TEC: variants seen among roughly 807,000 people sequenced by gnomAD.
TEC encodes tyrosine-protein kinase Tec.
In TEC, 72 loss-of-function variants were observed where a neutral mutation model predicts 93.0. That is an observed-to-expected ratio of 0.77 (90% CI 0.64 to 0.94). The LOEUF (loss-of-function observed/expected upper bound fraction) is 0.94. Among genes scored for constraint, TEC ranks in the 40% least tolerant of loss-of-function variants. The probability of loss-of-function intolerance (pLI) is 0.00; values close to 1 mark genes in which losing one functional copy is unlikely to be tolerated. For missense variants in TEC, 630 were observed against 757.9 expected, an observed-to-expected ratio of 0.83 and a Z score of 1.98; for synonymous variants, 249 against 247.7, an observed-to-expected ratio of 1.01 and a Z score of -0.05.
chr4:48,223,741 C>T (rs1432572504), intron 2 of TEC, among the ~76,000 whole-genome samples: 1 of 152,322 alleles, frequency 6.6e-6, no homozygotes, highest in Non-Finnish European at 1.5e-5. Context: ...GGAACTTGGA[C>T]TTTGGGAGGG....
At chr4:48,202,860 T>C (rs1481422205) in intron 2 of TEC, among the ~76,000 whole-genome samples, 1 of 152,214 alleles carries the variant, frequency 6.6e-6, no homozygotes, top group East Asian at 1.9e-4. Flanking sequence ...TGCTTCTGGT[T>C]TCAGAAAATC....
intron 14 of TEC, among the ~76,000 whole-genome samples, chr4:48,143,269 A>G (rs775079093): frequency 6.6e-6 from 1 of 152,206 alleles, no homozygotes; most frequent in Non-Finnish European, 1.5e-5. Context: ...ACACAAACCT[A>G]CCATAGTAAT....
intron 1 of TEC, among the ~76,000 whole-genome samples, chr4:48,232,821 G>A (rs1266390535): frequency 3.3e-5 from 5 of 152,202 alleles, no homozygotes; most frequent in Non-Finnish European, 7.4e-5. Context: ...TCCCACCAAG[G>A]GGAAGGCTGG....
intron 2 of TEC, among the ~76,000 whole-genome samples, chr4:48,205,528 T>C (rs1227141918): frequency 6.6e-6 from 1 of 152,166 alleles, no homozygotes; most frequent in African/African-American, 2.4e-5. Flanking sequence ...AAAAATCAAA[T>C]AAAGAGGAGG....
At chr4:48,216,635 TATTCTAGGAATC>T (rs1460564997) in intron 2 of TEC, among the ~76,000 whole-genome samples, 2 of 152,226 alleles carry the variant, frequency 1.3e-5, no homozygotes, top group Non-Finnish European at 1.5e-5. Flanking sequence ...ATTTTCCAAA[TATTCTAGGAATC>T]ATTCTTTTTG....
At chr4:48,249,607 C>A (rs991233855) in intron 1 of TEC, among the ~76,000 whole-genome samples, 1 of 152,222 alleles carries the variant, frequency 6.6e-6, no homozygotes, top group Non-Finnish European at 1.5e-5. Context: ...GTCCCAAAGA[C>A]CTATGGCTTC....
intron 2 of TEC, among the ~76,000 whole-genome samples, chr4:48,223,906 C>T (rs1723348553): frequency 6.6e-6 from 1 of 152,192 alleles, no homozygotes; most frequent in Non-Finnish European, 1.5e-5. Flanking sequence ...ACCTTGGGCA[C>T]CAAGTCTCTA....
chr4:48,159,257 A>G (rs1012263247), intron 8 of TEC, among the ~76,000 whole-genome samples: 1 of 152,220 alleles, frequency 6.6e-6, no homozygotes, highest in Admixed American at 6.5e-5. Flanking sequence ...GCTGTACAAG[A>G]AGCATGGTGC....
intron 2 of TEC, among the ~76,000 whole-genome samples, chr4:48,186,808 G>C (rs1301846410): frequency 6.7e-6 from 1 of 150,278 alleles, no homozygotes; most frequent in Non-Finnish European, 1.5e-5. Context: ...ATCTGGGAGG[G>C]AGGTTGGGGG....
intron 14 of TEC, chr4:48,141,685 C>CTT (rs377475900): frequency 6.7e-3 from 1,351 of 202,640 alleles, no homozygotes; most frequent in Middle Eastern, 0.018. Flanking sequence ...TCTTTTCTTT[C>CTT]TTTTTTTTTT....
chr4:48,210,673 T>A (rs1024995386), intron 2 of TEC, among the ~76,000 whole-genome samples: 1 of 152,186 alleles, frequency 6.6e-6, no homozygotes, highest in African/African-American at 2.4e-5. Context: ...CAGAGTTCCA[T>A]GAACATGGTT....
intron 2 of TEC, among the ~76,000 whole-genome samples, chr4:48,214,028 A>C (rs1722992993): frequency 6.6e-6 from 1 of 152,344 alleles, no homozygotes; most frequent in African/African-American, 2.4e-5. Context: ...TAACTCTCAC[A>C]ATGTGAGATC....
chr4:48,165,607 C>A (rs549980904), intron 7 of TEC, among the ~76,000 whole-genome samples: 3 of 152,268 alleles, frequency 2.0e-5, no homozygotes, highest in African/African-American at 4.8e-5. Flanking sequence ...CAGAGATCAC[C>A]TTCTAATGTG....
chr4:48,238,039 T>C (rs1049369259), intron 1 of TEC, among the ~76,000 whole-genome samples: 2 of 152,206 alleles, frequency 1.3e-5, no homozygotes, highest in Non-Finnish European at 2.9e-5. Flanking sequence ...TTCTGCAATA[T>C]ATACTCTCAG....
At chr4:48,168,801 C>T (rs1392817653) in intron 5 of TEC, among the ~76,000 whole-genome samples, 175 bp from the exon 6 acceptor site, 1 of 152,198 alleles carries the variant, frequency 6.6e-6, no homozygotes, top group Non-Finnish European at 1.5e-5. Flanking sequence ...TTAAAAACTG[C>T]TATTATAGCT....
chr4:48,266,457 A>G (rs1724640456), intron 1 of TEC, among the ~76,000 whole-genome samples: 1 of 152,220 alleles, frequency 6.6e-6, no homozygotes, highest in Admixed American at 6.5e-5. Flanking sequence ...CAATTGAGGG[A>G]GAATTTGGAA....
At chr4:48,138,012 G>A (rs1719504527) in intron 17 of TEC, among the ~76,000 whole-genome samples, 1 of 152,164 alleles carries the variant, frequency 6.6e-6, no homozygotes, top group South Asian at 2.1e-4. Flanking sequence ...ACAGCAAGTG[G>A]TTGAGACTCT....
chr4:48,199,395 T>C (rs1722411442), intron 2 of TEC, among the ~76,000 whole-genome samples: 1 of 151,500 alleles, frequency 6.6e-6, no homozygotes. Context: ...GAACCTGGAT[T>C]CCATTCAATC....
chr4:48,180,293 TTTTA>T (rs1356320687), intron 2 of TEC, among the ~76,000 whole-genome samples: 4 of 152,212 alleles, frequency 2.6e-5, no homozygotes, highest in Non-Finnish European at 5.9e-5. Context: ...TCACTCATTC[TTTTA>T]TTTATTCTGC....
Sources: allele counts gnomAD v4.1 joint callset (sites outside exome capture counted in the v4.1 genomes callset), GRCh38; gene constraint gnomAD v4.1.1; transcripts MANE v1.5; gene names NCBI Gene and HGNC (gene_info 2026-07-23, HGNC 2026-07-21).